RBPJ: variants seen among roughly 807,000 people sequenced by gnomAD.
The protein encoded by RBPJ is recombining binding protein suppressor of hairless.
A neutral mutation model predicts 67.8 loss-of-function variants in RBPJ; 9 were observed. That is an observed-to-expected ratio of 0.13 (90% CI 0.08 to 0.23). RBPJ has a LOEUF of 0.23. Ranked by LOEUF, RBPJ falls within the 10% of genes least tolerant of loss-of-function variation. The pLI, the probability that RBPJ is intolerant of heterozygous loss-of-function variation, is 1.00. For missense variants in RBPJ, 305 were observed against 595.6 expected, an observed-to-expected ratio of 0.51 and a Z score of 5.08; for synonymous variants, 198 against 203.3, an observed-to-expected ratio of 0.97 and a Z score of 0.22.
intron 1 of RBPJ, among the ~76,000 whole-genome samples, chr4:26,186,192 T>TA (rs528707678): frequency 0.047 from 5,446 of 116,952 alleles, 134 homozygotes; most frequent in African/African-American, 0.063. Context: ...CCCTTTTTTT[T>TA]AAAAAAAAAA....
At chr4:26,223,794 C>T (rs75176204) in intron 1 of RBPJ, among the ~76,000 whole-genome samples, 2,373 of 152,268 alleles carry the variant, frequency 0.016, 79 homozygotes, top group African/African-American at 0.054. Flanking sequence ...AGGAGAGAGT[C>T]CGGGCTGAGA....
intron 1 of RBPJ, among the ~76,000 whole-genome samples, chr4:26,358,063 CAG>C (rs979852172): frequency 1.2e-4 from 16 of 131,472 alleles, no homozygotes; most frequent in Admixed American, 2.5e-4. Flanking sequence ...ATTTAATGAT[CAG>C]AGAGTGAATT....
At chr4:26,211,954 G>C (rs949336496) in intron 1 of RBPJ, among the ~76,000 whole-genome samples, 1 of 152,114 alleles carries the variant, frequency 6.6e-6, no homozygotes, top group Non-Finnish European at 1.5e-5. Flanking sequence ...AGGCAGAGAT[G>C]GGGGTGATGC....
intron 1 of RBPJ, among the ~76,000 whole-genome samples, chr4:26,199,478 G>A (rs557726492): frequency 6.6e-6 from 1 of 152,148 alleles, no homozygotes; most frequent in Non-Finnish European, 1.5e-5. Context: ...ACACACACAT[G>A]TCAGAAACAC....
the RBPJ span, among the ~76,000 whole-genome samples, chr4:26,134,427 C>A: frequency 1.3e-5 from 2 of 152,162 alleles, no homozygotes; most frequent in African/African-American, 4.8e-5. Context: ...AAGCACAGGC[C>A]CCGTGCAAGT....
the RBPJ span, among the ~76,000 whole-genome samples, chr4:26,145,546 G>A: frequency 6.6e-6 from 1 of 152,118 alleles, no homozygotes; most frequent in Non-Finnish European, 1.5e-5. Context: ...TTCTGTAATT[G>A]CCCACGTAAG....
At chr4:26,356,352 A>G (rs1476508041) in intron 1 of RBPJ, among the ~76,000 whole-genome samples, 2 of 152,210 alleles carry the variant, frequency 1.3e-5, no homozygotes, top group African/African-American at 4.8e-5. Flanking sequence ...GTAGCTAAGT[A>G]GAGTCAGAGC....
intron 1 of RBPJ, chr4:26,321,258 G>GGGC (rs1404456642): frequency 5.3e-4 from 82 of 153,282 alleles, no homozygotes; most frequent in East Asian, 7.9e-4. Context: ...GCGTGAGGGC[G>GGGC]GGCGGCGGCG....
At chr4:26,152,149 C>A in the RBPJ span, among the ~76,000 whole-genome samples, 1 of 152,194 alleles carries the variant, frequency 6.6e-6, no homozygotes, top group Admixed American at 6.5e-5. Flanking sequence ...TTACAATTTT[C>A]TTCCTTTCAA....
At chr4:26,236,750 C>A (rs1239969970) in intron 1 of RBPJ, among the ~76,000 whole-genome samples, 1 of 152,140 alleles carries the variant, frequency 6.6e-6, no homozygotes, top group Admixed American at 6.6e-5. Flanking sequence ...CACACAAGGG[C>A]CCTTTTGGAG....
rs11350013 is a variant in RBPJ, at chr4:26,327,542, G to GTT, written c.20+6517_20+6518dup. Among the ~76,000 whole-genome samples the GTT allele has an allele frequency of 1.7e-3, 176 of 104,904 alleles. 1 individual carries two copies. Among genetic ancestry groups the GTT allele is most frequent in the East Asian group, 2.3e-3 (7 of 3,058 alleles). The allele number at this position is 104,904 out of a possible 152,430, so 68.8% of individuals were successfully genotyped here. ...CTAGAGAATCAAGTTGACCCTGGAGGTTTTTTTTTTTTTTTTTTTTTTTTG... is the reference window on the plus strand; with the variant it reads ...CTAGAGAATCAAGTTGACCCTGGAGGTTTTTTTTTTTTTTTTTTTTTTTTTTG... On this transcript the variant is annotated intron_variant, in intron 1 of 10. Transcript: ENST00000355476.
In RBPJ at chr4:26,344,010, C is replaced by G. The variant is rs112371010; in HGVS notation, c.20+22962C>G. 2.5e-3 allele frequency among the ~76,000 whole-genome samples: 381 copies of G among 151,862 alleles called. 1 individual carries two copies. Among genetic ancestry groups the G allele is most frequent in the African/African-American group, 8.8e-3 (365 of 41,448 alleles). On this transcript the variant is annotated intron_variant, in intron 1 of 10. Coordinates refer to ENST00000355476, the MANE Select transcript of RBPJ (RefSeq NM_015874.6). Reference sequence around the variant, plus strand: ...AAGTGATCCACCTGCCTTGGCCTCCCAAAGTGCTGGGATTACAGGCCTGAG... The same window carrying G: ...AAGTGATCCACCTGCCTTGGCCTCCGAAAGTGCTGGGATTACAGGCCTGAG...
chr4:26,382,920 A>G (rs1467057827), intron 1 of RBPJ, among the ~76,000 whole-genome samples: 3 of 152,198 alleles, frequency 2.0e-5, no homozygotes, highest in Non-Finnish European at 1.5e-5. Flanking sequence ...TCCATACTCC[A>G]ATATATACAG....
intron 1 of RBPJ, among the ~76,000 whole-genome samples, chr4:26,344,271 G>A (rs941477761): frequency 2.0e-5 from 3 of 151,986 alleles, no homozygotes; most frequent in African/African-American, 7.3e-5. Flanking sequence ...GTCTGGCTCT[G>A]TCACCCAGGC....
At chr4:26,184,317 G>A (rs946815496) in intron 1 of RBPJ, among the ~76,000 whole-genome samples, 2 of 152,146 alleles carry the variant, frequency 1.3e-5, no homozygotes, top group African/African-American at 4.8e-5. Flanking sequence ...CTTGCTACTG[G>A]GGAGAGAGAC....
intron 1 of RBPJ, among the ~76,000 whole-genome samples, chr4:26,292,149 T>A (rs1721691257): frequency 1.3e-5 from 2 of 150,710 alleles, no homozygotes; most frequent in Non-Finnish European, 3.0e-5. Flanking sequence ...GCCACCATGC[T>A]TTATATTTAG....
the RBPJ span, among the ~76,000 whole-genome samples, chr4:26,119,345 G>C: frequency 2.6e-5 from 4 of 152,158 alleles, no homozygotes; most frequent in Admixed American, 6.5e-5. Flanking sequence ...CCTAGGAACA[G>C]TTCCAATCCC....
At position 26,400,245 on chromosome 4, in the gene RBPJ, C is replaced by T. The variant is rs934385275; in HGVS notation, c.60-5930C>T. ...CCCAGTAGTTTTCATTCCATGTGAC[C>T]ATCTCACTCCATCCTCTTTCTTGAC... On this transcript the variant is annotated intron_variant, in intron 2 of 10. Transcript: ENST00000355476. Among the ~76,000 whole-genome samples the T allele has an allele frequency of 4.6e-5, 7 of 151,970 alleles. No individual in the cohort carries two copies. In the South Asian group the frequency reaches 1.5e-3, roughly 32 times the overall value.
chr4:26,207,309 G>A (rs551304151), intron 1 of RBPJ, among the ~76,000 whole-genome samples: 2 of 151,748 alleles, frequency 1.3e-5, no homozygotes, highest in East Asian at 3.9e-4. Flanking sequence ...TTTATGAGAT[G>A]TCAAGTTGGA....
Sources: gnomAD v4.1 joint callset for allele counts (sites outside exome capture counted in the v4.1 genomes callset) on GRCh38, gnomAD v4.1.1 for gene constraint, MANE v1.5 for transcripts, NCBI Gene and HGNC (gene_info 2026-07-23, HGNC 2026-07-21) for gene names.